Variants in DNAAF9 observed in about 807,000 individuals in gnomAD.
The protein encoded by DNAAF9 is shulin.
DNAAF9 carries 90 observed loss-of-function variants against 167.0 expected under a neutral mutation model. That is an observed-to-expected ratio of 0.54 (90% CI 0.45 to 0.64). The LOEUF is 0.64. Ranked by LOEUF, DNAAF9 falls within the 30% of genes least tolerant of loss-of-function variation. The probability of loss-of-function intolerance (pLI) is 0.00; values close to 1 mark genes in which losing one functional copy is unlikely to be tolerated. For synonymous variants in DNAAF9, 491 were observed against 508.8 expected, an observed-to-expected ratio of 0.96 and a Z score of 0.47; for missense variants, 1,315 against 1,442.2, an observed-to-expected ratio of 0.91 and a Z score of 1.43.
intron 14 of DNAAF9, among the ~76,000 whole-genome samples, chr20:3,323,102 T>C (rs1012573298): frequency 2.7e-5 from 4 of 150,718 alleles, no homozygotes; most frequent in South Asian, 2.1e-4. Flanking sequence ...GAGAAATAAC[T>C]AGAAAACCCT....
rs2068190409 is a variant in DNAAF9 at position 3,251,272 on chromosome 20, G to C, written c.*1300C>G. The C allele has an allele frequency of 6.6e-6, 1 of 151,870 alleles. No individual in the cohort carries two copies. The highest frequency in any genetic ancestry group is 2.1e-4 in the South Asian group (1 of 4,802). The allele number at this position is 151,870 out of a possible 1,614,324, so 9.4% of individuals were successfully genotyped here. A position where few individuals can be genotyped will look rare whatever the true frequency, so the allele number is the denominator to read the frequency against. ...ATCTTGTCTCTCCGCTGCTCCAGGG[G>C]CCTTGCTCAAAAACCCCCTATATTA... On this transcript the variant is annotated 3_prime_UTR_variant, in exon 37 of 37. Coordinates refer to ENST00000252032, the MANE Select transcript of DNAAF9 (RefSeq NM_001009984.3).
chr20:3,403,309 T>C (rs1056798620), intron 1 of DNAAF9, among the ~76,000 whole-genome samples: 2 of 151,984 alleles, frequency 1.3e-5, no homozygotes, highest in Admixed American at 6.6e-5. Context: ...CCTAAAACTT[T>C]TCCTTATTTT....
intron 8 of DNAAF9, 151 bp from the exon 9 acceptor site, chr20:3,343,882 T>C: frequency 1.9e-6 from 1 of 523,594 alleles, no homozygotes; most frequent in Non-Finnish European, 3.4e-6. Flanking sequence ...TGCGTGTGTG[T>C]GACAGAGAGA....
chr20:3,407,376 A>T, intron 1 of DNAAF9, 99 bp downstream of exon 1: 1 of 987,040 alleles, frequency 1.0e-6, no homozygotes, highest in Non-Finnish European at 1.3e-6. Context: ...GTCCCGAGGA[A>T]GCCATGTCGG....
At chr20:3,265,659 T>C (rs2068477203) in intron 30 of DNAAF9, among the ~76,000 whole-genome samples, 1 of 150,956 alleles carries the variant, frequency 6.6e-6, no homozygotes. Context: ...ATTACTTTGA[T>C]ATACAGATAC....
At chr20:3,375,918 T>C (rs989728515) in intron 4 of DNAAF9, among the ~76,000 whole-genome samples, 3 of 152,072 alleles carry the variant, frequency 2.0e-5, no homozygotes, top group Non-Finnish European at 2.9e-5. Flanking sequence ...AGGATGGTGA[T>C]GAAGAAGCAG....
At chr20:3,321,790 C>T (rs926761885) in intron 16 of DNAAF9, among the ~76,000 whole-genome samples, 1 of 152,126 alleles carries the variant, frequency 6.6e-6, no homozygotes, top group African/African-American at 2.4e-5. Flanking sequence ...CAAGACTGGT[C>T]TCAACTCTAG....
intron 27 of DNAAF9, among the ~76,000 whole-genome samples, 190 bp downstream of exon 27, chr20:3,287,442 C>T (rs181805674): frequency 4.5e-4 from 68 of 152,342 alleles, no homozygotes; most frequent in African/African-American, 1.6e-3. Context: ...AACTTGTGTG[C>T]AAGCTATACT....
intron 6 of DNAAF9, among the ~76,000 whole-genome samples, chr20:3,361,006 C>T (rs1248739969): frequency 3.3e-5 from 5 of 152,070 alleles, no homozygotes; most frequent in Admixed American, 3.3e-4. Context: ...GGTGGCAGGG[C>T]TGAGGACCCA....
chr20:3,402,333 G>A (rs1339299534), intron 1 of DNAAF9, among the ~76,000 whole-genome samples: 1 of 151,852 alleles, frequency 6.6e-6, no homozygotes, highest in Non-Finnish European at 1.5e-5. Flanking sequence ...TTGCGGAAAA[G>A]TTAAATCTAG....
At chr20:3,389,320 A>ATT (rs372837132) in intron 1 of DNAAF9, among the ~76,000 whole-genome samples, 5 of 138,710 alleles carry the variant, frequency 3.6e-5, no homozygotes, top group Non-Finnish European at 6.3e-5. Context: ...TAATTTTTCT[A>ATT]TTTTTTTTTT....
At chr20:3,359,198 C>A (rs772517104) in intron 7 of DNAAF9, among the ~76,000 whole-genome samples, 2 of 152,114 alleles carry the variant, frequency 1.3e-5, no homozygotes, top group African/African-American at 4.8e-5. Flanking sequence ...CCAGAGAAAG[C>A]CTTCTGCATT....
intron 6 of DNAAF9, among the ~76,000 whole-genome samples, chr20:3,371,240 T>C (rs550952997): frequency 1.3e-5 from 2 of 151,960 alleles, no homozygotes; most frequent in South Asian, 2.1e-4. Flanking sequence ...GCTCACCTCA[T>C]TGCTAGATCT....
intron 5 of DNAAF9, among the ~76,000 whole-genome samples, chr20:3,374,820 G>A (rs1645662393): frequency 6.6e-6 from 1 of 152,066 alleles, no homozygotes; most frequent in Admixed American, 6.6e-5. Flanking sequence ...ACCTGATTTT[G>A]GGCAGCCTGC....
chr20:3,391,439 TTATG>T (rs2083824181), intron 1 of DNAAF9, among the ~76,000 whole-genome samples: 1 of 152,138 alleles, frequency 6.6e-6, no homozygotes, highest in South Asian at 2.1e-4. Flanking sequence ...CTTTTTAAAA[TTATG>T]TATGTTGAAT....
At chr20:3,296,631 TC>T (rs1339715867) in intron 23 of DNAAF9, 1 of 495,114 alleles carries the variant, frequency 2.0e-6, no homozygotes, top group Admixed American at 3.7e-5. Context: ...TCCTCCTGCC[TC>T]AGCCTCCCAA....
intron 6 of DNAAF9, among the ~76,000 whole-genome samples, chr20:3,368,323 C>T (rs1280487544): frequency 6.6e-6 from 1 of 152,116 alleles, no homozygotes; most frequent in African/African-American, 2.4e-5. Context: ...AAGGGGCTCA[C>T]ATTGATTGTT....
chr20:3,323,673 T>C (rs2236121), intron 14 of DNAAF9, among the ~76,000 whole-genome samples: 38,015 of 152,072 alleles, frequency 0.25, 5,358 homozygotes, highest in African/African-American at 0.37. Flanking sequence ...GGTGTTTTCT[T>C]CTTGTGCCTT....
chr20:3,270,141 T>TTA (rs1218207835), intron 30 of DNAAF9, among the ~76,000 whole-genome samples: 1 of 149,460 alleles, frequency 6.7e-6, no homozygotes, highest in East Asian at 2.0e-4. Context: ...GCCTGCTTTT[T>TTA]TTTTTTTTTT....
Sources: allele counts gnomAD v4.1 joint callset (sites outside exome capture counted in the v4.1 genomes callset), GRCh38; gene constraint gnomAD v4.1.1; transcripts MANE v1.5; gene names NCBI Gene and HGNC (gene_info 2026-07-23, HGNC 2026-07-21).